PAG1: variants seen among roughly 807,000 people sequenced by gnomAD.
PAG1 encodes phosphoprotein membrane anchor with glycosphingolipid microdomains 1.
A neutral mutation model predicts 31.7 loss-of-function variants in PAG1; 23 were observed. That is an observed-to-expected ratio of 0.73 (90% CI 0.52 to 1.03). PAG1 has a LOEUF of 1.03. PAG1 is among the 50% of genes least tolerant of loss of function. PAG1 has a pLI of 0.00. For synonymous variants in PAG1, 214 were observed against 210.3 expected, an observed-to-expected ratio of 1.02 and a Z score of -0.15; for missense variants, 473 against 540.7, an observed-to-expected ratio of 0.87 and a Z score of 1.24.
At chr8:81,037,540 G>A (rs1213131907) in intron 2 of PAG1, among the ~76,000 whole-genome samples, 1 of 152,166 alleles carries the variant, frequency 6.6e-6, no homozygotes, top group African/African-American at 2.4e-5. Flanking sequence ...AGTTTATAAT[G>A]TGCAGCACGA....
intron 3 of PAG1, among the ~76,000 whole-genome samples, chr8:81,020,449 A>C (rs527805676): frequency 6.6e-6 from 1 of 152,138 alleles, no homozygotes; most frequent in Non-Finnish European, 1.5e-5. Context: ...GGACTTTCCC[A>C]TGTTGTTCTC....
intron 3 of PAG1, among the ~76,000 whole-genome samples, chr8:81,010,188 C>T (rs1160511518): frequency 6.6e-6 from 1 of 152,176 alleles, no homozygotes; most frequent in Non-Finnish European, 1.5e-5. Context: ...TTCCTCTTCC[C>T]ACATAACGAG....
chr8:81,030,753 T>A (rs1808366016), intron 2 of PAG1, among the ~76,000 whole-genome samples: 1 of 152,206 alleles, frequency 6.6e-6, no homozygotes, highest in Admixed American at 6.5e-5. Context: ...TTTTGGTGCC[T>A]AGCCCTTCCT....
intron 7 of PAG1, among the ~76,000 whole-genome samples, chr8:80,983,205 T>TCACA (rs1807343104): frequency 6.6e-6 from 1 of 152,182 alleles, no homozygotes; most frequent in Non-Finnish European, 1.5e-5. Flanking sequence ...GGGCATCCCC[T>TCACA]CTGCTTCACG....
At chr8:81,037,166 A>T (rs1393545232) in intron 2 of PAG1, 3 of 152,174 alleles carry the variant, frequency 2.0e-5, no homozygotes, top group African/African-American at 7.2e-5. Context: ...AAACTCTGTA[A>T]TCTCCTTTCC....
chr8:81,110,782 C>T (rs942109255), intron 1 of PAG1, among the ~76,000 whole-genome samples: 7 of 152,224 alleles, frequency 4.6e-5, no homozygotes. Flanking sequence ...GGAGAAGACA[C>T]TCCAATTTGA....
At chr8:80,984,677 A>G in intron 7 of PAG1, 99 bp downstream of exon 7, 4 of 1,140,332 alleles carry the variant, frequency 3.5e-6, no homozygotes, top group South Asian at 3.1e-5. Context: ...AACAAACTGG[A>G]AAGTGTTTGC....
At chr8:81,102,383 A>C (rs2131115572) in intron 1 of PAG1, among the ~76,000 whole-genome samples, 1 of 152,250 alleles carries the variant, frequency 6.6e-6, no homozygotes, top group Non-Finnish European at 1.5e-5. Flanking sequence ...GCAATCCACC[A>C]AATGTCACAA....
chr8:81,082,838 T>G (rs1310331301), intron 1 of PAG1, among the ~76,000 whole-genome samples: 1 of 152,228 alleles, frequency 6.6e-6, no homozygotes, highest in Non-Finnish European at 1.5e-5. Context: ...TGCATTTTTA[T>G]GATGGCTGTT....
At chr8:81,038,157 G>C (rs565074520) in intron 2 of PAG1, among the ~76,000 whole-genome samples, 1 of 152,328 alleles carries the variant, frequency 6.6e-6, no homozygotes, top group African/African-American at 2.4e-5. Context: ...TGTGTGAATG[G>C]GTATGCATGT....
intron 4 of PAG1, 74 bp from the exon 5 acceptor site, chr8:80,991,604 C>T (rs1807550054): frequency 3.1e-6 from 3 of 968,958 alleles, no homozygotes; most frequent in Admixed American, 3.5e-5. Flanking sequence ...CCTTTCCTAT[C>T]CCAATTCTTA....
At position 80,968,770 on chromosome 8, in the gene PAG1, AAAG is replaced by A. The variant is rs1368793793; in HGVS notation, c.*7771_*7773del. On this transcript the variant is annotated 3_prime_UTR_variant, in exon 9 of 9. Coordinates refer to ENST00000220597, the MANE Select transcript of PAG1 (RefSeq NM_018440.4). ...AAACCAGGTTTATTCCTGAGTTTAA[AAAG>A]AAGAAAATATCTAAATAATAAGTTA... 4 of 152,222 alleles carry A rather than the reference AAAG, an allele frequency of 2.6e-5. No individual in the cohort carries two copies. The highest frequency in any genetic ancestry group is 9.6e-5 in the African/African-American group (4 of 41,462). The allele number at this position is 152,222 out of a possible 1,614,324, so 9.4% of individuals were successfully genotyped here.
At chr8:81,049,913 A>G (rs1808700329) in intron 2 of PAG1, among the ~76,000 whole-genome samples, 1 of 152,202 alleles carries the variant, frequency 6.6e-6, no homozygotes, top group Admixed American at 6.5e-5. Context: ...GTAAATATTT[A>G]CTGAGTACCT....
chr8:81,012,320 C>T (rs1807999497), intron 3 of PAG1, among the ~76,000 whole-genome samples: 2 of 152,196 alleles, frequency 1.3e-5, no homozygotes, highest in Non-Finnish European at 2.9e-5. Flanking sequence ...CACTTTAAGC[C>T]ATATTGATAA....
Position 80,973,224 on chromosome 8 carries a change from C to T in PAG1, c.*3320G>A, listed in dbSNP as rs1807113611. On this transcript the variant is annotated 3_prime_UTR_variant, in exon 9 of 9. Coordinates refer to ENST00000220597, the MANE Select transcript of PAG1 (RefSeq NM_018440.4). ...TCAGGACAGAAAAAAAAATATGTAG[C>T]CAACATTCTTGCAAGAATTACTTTC... 1 of 151,974 alleles carries T rather than the reference C, an allele frequency of 6.6e-6. No homozygotes were observed. The highest frequency in any genetic ancestry group is 1.5e-5 in the Non-Finnish European group (1 of 67,966). 9.4% of individuals were successfully genotyped at this position (151,974 alleles called of 1,614,324 possible).
In PAG1 at chr8:81,090,743, G is replaced by A. The variant is rs1809430967; in HGVS notation, c.-233-20573C>T. The stretch of plus-strand genomic sequence containing the variant: ...GGTTTATGAAAGCCTCGGGCCACAC[G>A]TGAGGAACTCTGAGTTATATAACTA... On this transcript the variant is annotated intron_variant, in intron 1 of 8. Transcript: ENST00000220597. Among the ~76,000 whole-genome samples the A allele has an allele frequency of 2.0e-5, 3 of 152,200 alleles. No homozygotes were observed. The South Asian group carries it at 6.2e-4, about 32-fold the overall frequency.
intron 3 of PAG1, among the ~76,000 whole-genome samples, chr8:81,007,636 C>CA (rs58612249): frequency 0.039 from 1,912 of 49,602 alleles, 264 homozygotes; most frequent in African/African-American, 0.14. Context: ...GACTCTGTCT[C>CA]AAAAAAAAAA....
At position 80,976,616 on chromosome 8, in the gene PAG1, A is replaced by C; in HGVS notation, c.1227T>G (p.Gly409=). Residue 409 remains glycine, a synonymous_variant, in exon 9 of 9, where the codon GGT becomes GGG. Transcript: ENST00000220597. ...KATLGTNGHH[G]LVPKENDYES... ...CGTAGTCGTTCTCCTTTGGGACGAG[A>C]CCGTGGTGGCCATTGGTCCCCAGGG... The C allele has an allele frequency of 6.2e-7, 1 of 1,614,078 alleles. No individual in the cohort carries two copies. The highest frequency in any genetic ancestry group is 8.5e-7 in the Non-Finnish European group (1 of 1,179,980).
At chr8:81,097,243 C>G (rs1026768974) in intron 1 of PAG1, among the ~76,000 whole-genome samples, 7 of 152,140 alleles carry the variant, frequency 4.6e-5, no homozygotes, top group African/African-American at 1.7e-4. Flanking sequence ...TGATGTTAAT[C>G]ACAGCCAACA....
Sources: gnomAD v4.1 joint callset for allele counts (sites outside exome capture counted in the v4.1 genomes callset) on GRCh38, gnomAD v4.1.1 for gene constraint, MANE v1.5 for transcripts, NCBI Gene and HGNC (gene_info 2026-07-23, HGNC 2026-07-21) for gene names.